The following NRXN1 variants were observed in gnomAD, a reference collection of about 807,000 sequenced individuals.
NRXN1 encodes neurexin-1.
NRXN1 carries 39 observed loss-of-function variants against 150.9 expected under a neutral mutation model. The observed-to-expected ratio is 0.26, with a 90% CI of 0.20 to 0.34. The LOEUF (loss-of-function observed/expected upper bound fraction) is 0.34. NRXN1 is among the 10% of genes least tolerant of loss of function. NRXN1 has a pLI of 1.00. For synonymous variants in NRXN1, 924 were observed against 757.0 expected, an observed-to-expected ratio of 1.22 and a Z score of -3.62; for missense variants, 1,815 against 1,949.9, an observed-to-expected ratio of 0.93 and a Z score of 1.30.
At chr2:50,567,600 C>G (rs1474134348) in intron 8 of NRXN1, among the ~76,000 whole-genome samples, 1 of 151,820 alleles carries the variant, frequency 6.6e-6, no homozygotes, top group Non-Finnish European at 1.5e-5. Context: ...CCTTTTGCCT[C>G]AAGCTCCACA....
intron 17 of NRXN1, among the ~76,000 whole-genome samples, chr2:50,399,713 T>C (rs929099046): frequency 5.9e-5 from 8 of 136,104 alleles, no homozygotes; most frequent in African/African-American, 2.3e-4. Context: ...TCAGGTGTTT[T>C]TGAAAAACCT....
At chr2:50,946,578 C>A (rs1291198530) in intron 2 of NRXN1, among the ~76,000 whole-genome samples, 1 of 152,060 alleles carries the variant, frequency 6.6e-6, no homozygotes, top group African/African-American at 2.4e-5. Context: ...CACATAAGAG[C>A]AAAAACACTC....
chr2:50,762,067 T>A (rs538712380), intron 5 of NRXN1, among the ~76,000 whole-genome samples: 1 of 151,824 alleles, frequency 6.6e-6, no homozygotes, highest in East Asian at 2.0e-4. Flanking sequence ...GGAGTTCATC[T>A]TGTGATCATG....
chr2:50,214,931 T>C (rs895884470), intron 18 of NRXN1, among the ~76,000 whole-genome samples: 1 of 152,002 alleles, frequency 6.6e-6, no homozygotes, highest in African/African-American at 2.4e-5. Flanking sequence ...TAAAATAAAA[T>C]ATGTAGCATC....
intron 12 of NRXN1, among the ~76,000 whole-genome samples, chr2:50,525,268 T>C (rs2092917621): frequency 6.6e-6 from 1 of 152,232 alleles, no homozygotes; most frequent in Non-Finnish European, 1.5e-5. Context: ...TTTTTGTTAG[T>C]ACAGATTTCT....
intron 21 of NRXN1, among the ~76,000 whole-genome samples, chr2:50,052,133 A>C (rs1163102719): frequency 6.6e-6 from 1 of 152,094 alleles, no homozygotes; most frequent in East Asian, 1.9e-4. Flanking sequence ...GTGCTGATAC[A>C]AACAGAATTT....
At chr2:50,881,495 A>T (rs1228943807) in intron 5 of NRXN1, among the ~76,000 whole-genome samples, 1 of 151,952 alleles carries the variant, frequency 6.6e-6, no homozygotes, top group African/African-American at 2.4e-5. Context: ...ATTAAACATT[A>T]AGAAGCTTTG....
At position 50,083,572 on chromosome 2, in the gene NRXN1, G is replaced by A. The variant is rs115072310; in HGVS notation, c.3718+7751C>T. Among the ~76,000 whole-genome samples, 234 of 152,266 alleles carry A rather than the reference G, an allele frequency of 1.5e-3. 1 individual carries two copies. The highest frequency in any genetic ancestry group is 2.7e-3 in the Non-Finnish European group (182 of 68,022). ...TTTATTGCAAACAGCAAAAGAACAA[G>A]GCTTCCACAACACGCAAGAGGACCC... On this transcript the variant is annotated intron_variant, in intron 19 of 22. Coordinates refer to ENST00000401669, the MANE Select transcript of NRXN1 (RefSeq NM_001330078.2).
intron 5 of NRXN1, among the ~76,000 whole-genome samples, chr2:50,844,142 G>T (rs559237739): frequency 4.6e-5 from 7 of 152,038 alleles, no homozygotes; most frequent in African/African-American, 1.7e-4. Context: ...TTGCAAGATC[G>T]GGTGTCTGGT....
intron 2 of NRXN1, among the ~76,000 whole-genome samples, chr2:51,015,759 A>C (rs1005199016): frequency 1.2e-4 from 19 of 152,132 alleles, no homozygotes; most frequent in African/African-American, 4.3e-4. Flanking sequence ...AAGGGTGAAC[A>C]GGACAGAGGA....
chr2:50,209,490 A>C (rs1023154020), intron 18 of NRXN1, among the ~76,000 whole-genome samples: 4 of 152,106 alleles, frequency 2.6e-5, no homozygotes, highest in African/African-American at 9.7e-5. Context: ...TTGAGGAATT[A>C]AGTAGCCCAA....
intron 8 of NRXN1, among the ~76,000 whole-genome samples, chr2:50,553,748 G>T (rs1022648927): frequency 6.6e-6 from 1 of 152,194 alleles, no homozygotes; most frequent in African/African-American, 2.4e-5. Context: ...TTACACAAAT[G>T]CTGCGCAAGG....
intron 5 of NRXN1, among the ~76,000 whole-genome samples, chr2:50,646,671 C>T (rs753272009): frequency 1.1e-4 from 16 of 149,010 alleles, no homozygotes; most frequent in Admixed American, 5.4e-4. Context: ...ATTCCTCAAA[C>T]GGTGTAATTT....
At chr2:50,749,140 T>C (rs912185505) in intron 5 of NRXN1, among the ~76,000 whole-genome samples, 1 of 152,176 alleles carries the variant, frequency 6.6e-6, no homozygotes, top group Non-Finnish European at 1.5e-5. Flanking sequence ...TATTTTGTTT[T>C]TGTAATTTTA....
chr2:50,283,808 C>G (rs1463861242), intron 17 of NRXN1, among the ~76,000 whole-genome samples: 1 of 152,032 alleles, frequency 6.6e-6, no homozygotes, highest in African/African-American at 2.4e-5. Context: ...CTCCTGTAGC[C>G]CCTATTAAAA....
chr2:50,538,371 T>G lies in NRXN1; in HGVS notation c.2025A>C (p.Glu675Asp), dbSNP rs1553759497. ...TAGVKPSCSK[E>D]TAKPCLSNPC... ...GGTTGCTAAGGCACGGTTTTGCTGT[T>G]TCCTTTGAGCAGGAAGGCTTCACTC... is the stretch of plus-strand genomic sequence containing the variant. Residue 675 changes from glutamate (E) to aspartate (D), a missense_variant, in exon 10 of 23, where the codon GAA (glutamate) becomes GAC (aspartate). Around this residue, in one of 6 missense-constraint regions of NRXN1, gnomAD observed 638 missense variants for 652.6 expected, o/e 0.98. Transcript: ENST00000401669. 1.2e-6 allele frequency: 2 copies of G among 1,614,004 alleles called. No individual in the cohort carries two copies. The highest frequency in any genetic ancestry group is 8.5e-7 in the Non-Finnish European group (1 of 1,179,890).
intron 19 of NRXN1, among the ~76,000 whole-genome samples, chr2:50,083,508 T>A (rs77676855): frequency 0.016 from 2,429 of 152,284 alleles, 63 homozygotes; most frequent in African/African-American, 0.056. Flanking sequence ...TTATAGTTCT[T>A]AAAGGCAGTG....
intron 5 of NRXN1, among the ~76,000 whole-genome samples, chr2:50,642,661 A>G (rs1451546732): frequency 6.6e-6 from 1 of 152,180 alleles, no homozygotes; most frequent in East Asian, 1.9e-4. Flanking sequence ...ATTGCATGTC[A>G]TCTTTTTCTG....
At chr2:50,378,692 C>G (rs10165414) in intron 17 of NRXN1, among the ~76,000 whole-genome samples, 1 of 151,942 alleles carries the variant, frequency 6.6e-6, no homozygotes, top group Non-Finnish European at 1.5e-5. Context: ...GAGAAATATA[C>G]AGCAATAAAT....
Sources: gnomAD v4.1 joint callset for allele counts (sites outside exome capture counted in the v4.1 genomes callset) on GRCh38, gnomAD v4.1.1 for gene constraint, gnomAD v4.1.1 regional missense constraint, MANE v1.5 for transcripts, NCBI Gene and HGNC (gene_info 2026-07-23, HGNC 2026-07-21) for gene names.